The following SYTL5 variants were observed in gnomAD, a reference collection of about 807,000 sequenced individuals.
The protein encoded by SYTL5 is synaptotagmin-like protein 5.
Under a neutral mutation model 55.9 loss-of-function variants are expected in SYTL5, and 34 were observed. The ratio of observed to expected loss-of-function variants is 0.61; its 90% CI spans 0.46 to 0.81. SYTL5 has a LOEUF of 0.81. Among genes scored for constraint, SYTL5 ranks in the 30% least tolerant of loss-of-function variants. The pLI is 0.00. For synonymous variants in SYTL5, 221 were observed against 188.7 expected, an observed-to-expected ratio of 1.17 and a Z score of -1.40; for missense variants, 637 against 546.7, an observed-to-expected ratio of 1.17 and a Z score of -1.65.
chrX:37,931,755 T>C, the SYTL5 span, among the ~76,000 whole-genome samples: 1 of 112,018 alleles, frequency 8.9e-6, no homozygotes, highest in African/African-American at 3.2e-5. Context: ...AATTTTAATA[T>C]AATAAATTTA....
chrX:37,973,585 C>T, the SYTL5 span, among the ~76,000 whole-genome samples: 221 of 111,330 alleles, frequency 2.0e-3, no homozygotes, highest in Non-Finnish European at 3.6e-3. Flanking sequence ...ATAAAAACAG[C>T]AACCCACATA....
intron 14 of SYTL5, among the ~76,000 whole-genome samples, chrX:38,121,337 A>G (rs1386820173): frequency 9.0e-6 from 1 of 111,355 alleles, no homozygotes; most frequent in Non-Finnish European, 1.9e-5. Context: ...TTTTACCATC[A>G]ATTCTTGCAG....
the SYTL5 span, among the ~76,000 whole-genome samples, chrX:37,990,486 A>G: frequency 8.9e-6 from 1 of 112,666 alleles, no homozygotes; most frequent in Non-Finnish European, 1.9e-5. Flanking sequence ...GGCTGGAATC[A>G]GATAACCTGC....
In SYTL5 at chrX:38,106,611, A is replaced by T; in HGVS notation, c.1174A>T (p.Met392Leu). The stretch of plus-strand genomic sequence containing the variant: ...ATTCCAGACCAGCCTTAACAGCATG[A>T]TGAGCGTTTACAGTGAAACGGGAGA... ...GLSTTSLNSMMSVYSETGDYG... is the reference protein window; with the variant it reads ...GLSTTSLNSMLSVYSETGDYG... Residue 392 changes from methionine to leucine, a missense_variant, in exon 11 of 17, where the codon ATG becomes TTG. Coordinates refer to ENST00000297875, the MANE Select transcript of SYTL5 (RefSeq NM_138780.3). 1 of 1,202,443 alleles carries T rather than the reference A, an allele frequency of 8.3e-7. No individual in the cohort carries two copies.
At chrX:38,017,922 C>G (rs962326526) in intron 1 of SYTL5, among the ~76,000 whole-genome samples, 2 of 109,497 alleles carry the variant, frequency 1.8e-5, no homozygotes, top group Non-Finnish European at 3.8e-5. Flanking sequence ...GTCCAGGTGC[C>G]GGCGGTGATT....
chrX:37,930,253 T>G, the SYTL5 span, among the ~76,000 whole-genome samples: 2 of 111,818 alleles, frequency 1.8e-5, no homozygotes, highest in African/African-American at 6.5e-5. Flanking sequence ...TTTTTTATTT[T>G]AATAGAACCC....
chrX:37,989,701 AAC>A, the SYTL5 span, among the ~76,000 whole-genome samples: 3 of 111,997 alleles, frequency 2.7e-5, no homozygotes, highest in African/African-American at 9.7e-5. Flanking sequence ...TCAAAGGGAA[AAC>A]ACAGAATTAG....
chrX:38,069,236 C>G (rs978044946), intron 3 of SYTL5, among the ~76,000 whole-genome samples: 2 of 112,121 alleles, frequency 1.8e-5, no homozygotes, highest in African/African-American at 6.5e-5. Flanking sequence ...CTATTGCCAC[C>G]TTAACTATTA....
the SYTL5 span, among the ~76,000 whole-genome samples, chrX:37,967,166 C>T: frequency 8.5e-4 from 95 of 111,474 alleles, 1 homozygote; most frequent in South Asian, 0.029. Context: ...ATTCTCCTGC[C>T]TCAGCTTCCC....
the SYTL5 span, among the ~76,000 whole-genome samples, chrX:37,910,899 G>C: frequency 2.7e-5 from 3 of 110,123 alleles, no homozygotes; most frequent in African/African-American, 1.0e-4. Context: ...TTATGGTATT[G>C]GATGAGTCAG....
the SYTL5 span, among the ~76,000 whole-genome samples, chrX:37,984,865 A>G: frequency 8.9e-6 from 1 of 112,368 alleles, no homozygotes; most frequent in East Asian, 2.7e-4. Context: ...CACTACATCA[A>G]TAGAAAAAAC....
the SYTL5 span, among the ~76,000 whole-genome samples, chrX:37,979,666 G>A: frequency 9.4e-6 from 1 of 106,803 alleles, no homozygotes; most frequent in Non-Finnish European, 1.9e-5. Context: ...TAGCTTTCAT[G>A]AAATGTTTTC....
chrX:37,897,359 T>G, the SYTL5 span, among the ~76,000 whole-genome samples: 1 of 109,563 alleles, frequency 9.1e-6, no homozygotes, highest in Admixed American at 9.8e-5. Flanking sequence ...GTCAGACACC[T>G]GTAGTCCCAG....
At position 38,025,136 on chromosome X, in the gene SYTL5, T is replaced by C. The variant is rs568389208; in HGVS notation, c.-356-8398T>C. Among the ~76,000 whole-genome samples, 46 of 112,139 alleles carry C rather than the reference T, an allele frequency of 4.1e-4. No individual in the cohort carries two copies. The South Asian group carries it at 0.016, about 39-fold the overall frequency. On this transcript the variant is annotated intron_variant, in intron 1 of 16. Coordinates refer to ENST00000297875, the MANE Select transcript of SYTL5 (RefSeq NM_138780.3). ...ATTTGAAAGGCATCCTCAAGGGTAT[T>C]TTGCGTATGTGATTTAGCTTGTATT...
intron 4 of SYTL5, 102 bp downstream of exon 4, chrX:38,072,264 T>G: frequency 2.6e-5 from 15 of 579,792 alleles, no homozygotes; most frequent in South Asian, 7.1e-5. Flanking sequence ...AATGAGTTTC[T>G]TGAATCCCTT....
At chrX:37,957,916 C>T in the SYTL5 span, among the ~76,000 whole-genome samples, 1 of 112,010 alleles carries the variant, frequency 8.9e-6, no homozygotes, top group Non-Finnish European at 1.9e-5. Flanking sequence ...TCACAGAATA[C>T]CATAGACTGT....
chrX:37,911,813 T>C, the SYTL5 span, among the ~76,000 whole-genome samples: 1 of 111,868 alleles, frequency 8.9e-6, no homozygotes, highest in African/African-American at 3.2e-5. Context: ...TACACACACA[T>C]ACATATACGT....
chrX:38,040,089 G>A (rs1202419627), intron 2 of SYTL5, among the ~76,000 whole-genome samples: 6 of 109,928 alleles, frequency 5.5e-5, no homozygotes, highest in African/African-American at 9.9e-5. Context: ...CAGGAGAATC[G>A]CTTGAACCTG....
At chrX:37,923,914 G>A in the SYTL5 span, among the ~76,000 whole-genome samples, 52 of 111,458 alleles carry the variant, frequency 4.7e-4, no homozygotes, top group African/African-American at 1.7e-3. Context: ...AGACTTAATA[G>A]TTAGTGACTT....
Sources: gnomAD v4.1 joint callset for allele counts (sites outside exome capture counted in the v4.1 genomes callset) on GRCh38, gnomAD v4.1.1 for gene constraint, MANE v1.5 for transcripts, NCBI Gene and HGNC (gene_info 2026-07-23, HGNC 2026-07-21) for gene names.